ENTREP2: variants seen among roughly 807,000 people sequenced by gnomAD.
ENTREP2 encodes protein ENTREP2.
chr15:29,657,145 T>C, the ENTREP2 span, among the ~76,000 whole-genome samples: 6 of 151,942 alleles, frequency 3.9e-5, no homozygotes, highest in African/African-American at 1.5e-4. Context: ...CCTCCCCCGT[T>C]CCGGCCATTC....
chr15:29,289,344 C>G, the ENTREP2 span, among the ~76,000 whole-genome samples: 6 of 152,000 alleles, frequency 3.9e-5, no homozygotes, highest in Non-Finnish European at 7.4e-5. Context: ...AGATGCAGAA[C>G]AAAACTGTAA....
the ENTREP2 span, among the ~76,000 whole-genome samples, chr15:29,290,541 G>A: frequency 1.3e-5 from 2 of 152,206 alleles, no homozygotes; most frequent in African/African-American, 4.8e-5. Context: ...CCCTGCACAA[G>A]AATGCAGCTT....
At chr15:29,202,535 G>C in the ENTREP2 span, among the ~76,000 whole-genome samples, 6 of 151,956 alleles carry the variant, frequency 3.9e-5, no homozygotes, top group African/African-American at 1.5e-4. Context: ...TTGTTACATA[G>C]GTATATATGT....
the ENTREP2 span, chr15:29,151,692 G>A: frequency 2.0e-6 from 3 of 1,466,640 alleles, no homozygotes; most frequent in Non-Finnish European, 1.9e-6. Context: ...CTCCTACACT[G>A]GTTTCAAACC....
the ENTREP2 span, among the ~76,000 whole-genome samples, chr15:29,160,708 CAAAAAAAA>C: frequency 2.2e-4 from 8 of 36,248 alleles, no homozygotes; most frequent in African/African-American, 2.9e-4. Context: ...GACTCTGTCT[CAAAAAAAA>C]AAAAAAAAAA....
At chr15:29,232,001 C>T in the ENTREP2 span, among the ~76,000 whole-genome samples, 1 of 151,260 alleles carries the variant, frequency 6.6e-6, no homozygotes, top group East Asian at 2.0e-4. Context: ...GCGATTCTCC[C>T]GCTTCAGCCT....
the ENTREP2 span, among the ~76,000 whole-genome samples, chr15:29,263,658 G>A: frequency 5.1e-3 from 774 of 152,356 alleles, 6 homozygotes; most frequent in African/African-American, 0.018. Flanking sequence ...GGCAGTATCA[G>A]TGTAATCTCA....
the ENTREP2 span, among the ~76,000 whole-genome samples, chr15:29,461,567 C>T: frequency 2.0e-5 from 3 of 152,044 alleles, no homozygotes; most frequent in South Asian, 4.1e-4. Context: ...CTGTAACCTC[C>T]GCCTTCCAGG....
At chr15:29,381,769 A>G in the ENTREP2 span, 2 of 1,551,126 alleles carry the variant, frequency 1.3e-6, no homozygotes, top group African/African-American at 2.7e-5. Flanking sequence ...CGCAGGTGCC[A>G]CTTACCACAA....
chr15:29,643,077 A>G, the ENTREP2 span, among the ~76,000 whole-genome samples: 2 of 152,214 alleles, frequency 1.3e-5, no homozygotes, highest in Non-Finnish European at 2.9e-5. Flanking sequence ...AGAAGAACAC[A>G]TAGACTTAAA....
At chr15:29,650,656 G>A in the ENTREP2 span, among the ~76,000 whole-genome samples, 1 of 151,990 alleles carries the variant, frequency 6.6e-6, no homozygotes, top group Admixed American at 6.6e-5. Context: ...TCCAGAAAAG[G>A]TAGAGGTACA....
the ENTREP2 span, among the ~76,000 whole-genome samples, chr15:29,621,275 G>A: frequency 6.6e-6 from 1 of 151,916 alleles, no homozygotes; most frequent in Non-Finnish European, 1.5e-5. Context: ...TGTAATCCCA[G>A]CACTATGGGA....
chr15:29,187,607 G>C, the ENTREP2 span, among the ~76,000 whole-genome samples: 4 of 152,136 alleles, frequency 2.6e-5, no homozygotes, highest in Middle Eastern at 3.2e-3. Context: ...GTTTCCCCCA[G>C]TAGACTTGGA....
chr15:29,327,669 A>G, the ENTREP2 span, among the ~76,000 whole-genome samples: 2 of 152,174 alleles, frequency 1.3e-5, no homozygotes, highest in African/African-American at 4.8e-5. Context: ...AAATAAGCAT[A>G]TGACATAATG....
chr15:29,333,120 G>C, the ENTREP2 span, among the ~76,000 whole-genome samples: 1 of 152,248 alleles, frequency 6.6e-6, no homozygotes, highest in African/African-American at 2.4e-5. Context: ...AAAGCAGCTA[G>C]AGCCTGAGGA....
chr15:29,358,501 C>A, the ENTREP2 span, among the ~76,000 whole-genome samples: 2 of 152,182 alleles, frequency 1.3e-5, no homozygotes, highest in African/African-American at 4.8e-5. Flanking sequence ...CTGGAGTGGG[C>A]AGCTTACACT....
the ENTREP2 span, among the ~76,000 whole-genome samples, chr15:29,444,484 C>CTTTTTT: frequency 2.9e-4 from 36 of 126,104 alleles, no homozygotes; most frequent in African/African-American, 1.0e-3. Flanking sequence ...TCTTTTTTTT[C>CTTTTTT]TTTTTTTTTT....
the ENTREP2 span, among the ~76,000 whole-genome samples, chr15:29,207,865 G>A: frequency 6.6e-6 from 1 of 152,094 alleles, no homozygotes; most frequent in African/African-American, 2.4e-5. Flanking sequence ...TCCCTGTTCT[G>A]CACAATGGGC....
the ENTREP2 span, among the ~76,000 whole-genome samples, chr15:29,402,775 T>C: frequency 1.1e-4 from 16 of 152,214 alleles, no homozygotes; most frequent in African/African-American, 3.1e-4. Context: ...CATGGTTATC[T>C]CCAGACAGTG....
Sources: gnomAD v4.1 joint callset for allele counts (sites outside exome capture counted in the v4.1 genomes callset) on GRCh38, gnomAD v4.1.1 for gene constraint, MANE v1.5 for transcripts, NCBI Gene and HGNC (gene_info 2026-07-23, HGNC 2026-07-21) for gene names.